RELN: variants seen among roughly 807,000 people sequenced by gnomAD.
RELN encodes the protein reelin.
In RELN, 108 loss-of-function variants were observed where a neutral mutation model predicts 427.6. The ratio of observed to expected loss-of-function variants is 0.25; its 90% CI spans 0.22 to 0.30. The LOEUF (loss-of-function observed/expected upper bound fraction) is 0.30. Among genes scored for constraint, RELN ranks in the 10% least tolerant of loss-of-function variants. The pLI is 1.00. For missense variants in RELN, 3,715 were observed against 4,302.8 expected (o/e 0.86, Z 3.82); for synonymous variants, 1,524 against 1,513.4 (o/e 1.01, Z -0.16).
Position 103,472,821 on chromosome 7 carries a change from T to A in RELN, c.10374A>T (p.Arg3458=). 2 of 1,613,160 alleles carry A rather than the reference T, an allele frequency of 1.2e-6. No individual in the cohort carries two copies. The highest frequency in any genetic ancestry group is 1.7e-6 in the Non-Finnish European group (2 of 1,179,108). Residue 3458 remains arginine (R), a synonymous_variant, in exon 65 of 65, where the codon CGA becomes CGT. Transcript: ENST00000428762. The part of the protein sequence containing the change: ...FYNRRRRSLR[R]YP ...TAAACTTTTTGATTCTTCATGGGTATCGCCTAAGTGACCTTCGTCTTCTGT... is the reference window on the plus strand; with the variant it reads ...TAAACTTTTTGATTCTTCATGGGTAACGCCTAAGTGACCTTCGTCTTCTGT...
At chr7:103,760,404 T>G (rs975838934) in intron 4 of RELN, among the ~76,000 whole-genome samples, 1 of 152,140 alleles carries the variant, frequency 6.6e-6, no homozygotes, top group African/African-American at 2.4e-5. Context: ...GTTATTTTCT[T>G]GACATATGTG....
intron 11 of RELN, among the ~76,000 whole-genome samples, chr7:103,665,356 GTGTGTGTATATATA>G (rs1412710042): frequency 7.7e-6 from 1 of 129,242 alleles, no homozygotes; most frequent in African/African-American, 3.1e-5. Flanking sequence ...GTGTGTGTGT[GTGTGTGTATATATA>G]TATATATATA....
chr7:103,785,608 C>T (rs1184092577), intron 3 of RELN, among the ~76,000 whole-genome samples: 1 of 152,048 alleles, frequency 6.6e-6, no homozygotes, highest in Non-Finnish European at 1.5e-5. Flanking sequence ...ATGGACTGAA[C>T]AATTTTAAGG....
chr7:103,775,512 A>G (rs1335022830), intron 4 of RELN, among the ~76,000 whole-genome samples: 1 of 152,148 alleles, frequency 6.6e-6, no homozygotes, highest in African/African-American at 2.4e-5. Flanking sequence ...ATTTTTCCTC[A>G]TTTCTCTTGA....
At chr7:103,674,605 G>C (rs1833472273) in intron 11 of RELN, among the ~76,000 whole-genome samples, 1 of 152,038 alleles carries the variant, frequency 6.6e-6, no homozygotes, top group African/African-American at 2.4e-5. Context: ...CTCGTTCCTG[G>C]GGGGCAGAAG....
chr7:103,608,425 A>T (rs1028828201), intron 22 of RELN, among the ~76,000 whole-genome samples: 1 of 151,650 alleles, frequency 6.6e-6, no homozygotes, highest in Non-Finnish European at 1.5e-5. Context: ...TTTTTTTTCC[A>T]GGGCTTTGAA....
intron 8 of RELN, among the ~76,000 whole-genome samples, chr7:103,711,499 G>C (rs545099410): frequency 7.2e-5 from 11 of 152,272 alleles, no homozygotes; most frequent in Admixed American, 1.3e-4. Context: ...TTAATGACAG[G>C]ACAAGAATAA....
chr7:103,678,758 T>C (rs1833593012), intron 11 of RELN, among the ~76,000 whole-genome samples: 1 of 152,214 alleles, frequency 6.6e-6, no homozygotes, highest in African/African-American at 2.4e-5. Flanking sequence ...TCCACATTAA[T>C]AATTTTTTAT....
chr7:103,817,836 T>A (rs1264015113), intron 3 of RELN, among the ~76,000 whole-genome samples: 1 of 150,102 alleles, frequency 6.7e-6, no homozygotes. Flanking sequence ...TCCCAGCTTT[T>A]TGGGAGGCTG....
chr7:103,875,818 C>T (rs1449855508), intron 2 of RELN, among the ~76,000 whole-genome samples: 1 of 151,946 alleles, frequency 6.6e-6, no homozygotes, highest in East Asian at 1.9e-4. Flanking sequence ...AATGAAATTT[C>T]CTTGGAGAAA....
chr7:103,561,587 C>G lies in RELN; in HGVS notation c.5474G>C (p.Arg1825Thr), dbSNP rs368478306. Residue 1825 changes from arginine (R) to threonine (T), a missense_variant, in exon 36 of 65, where the codon AGG becomes ACG. Transcript: ENST00000428762. ...DLWPEVYGAE[R>T]GNLNGETIKS... ...GATGGTTTCACCATTCAGATTCCCC[C>G]TCTCTGCACCATACACTTCAGGCCA... 6.2e-7 allele frequency: 1 copy of G among 1,613,910 alleles called. No individual in the cohort carries two copies. The highest frequency in any genetic ancestry group is 8.5e-7 in the Non-Finnish European group (1 of 1,179,848).
At chr7:103,557,206 G>A in intron 37 of RELN, 47 bp from the exon 38 acceptor site, 1 of 1,468,772 alleles carries the variant, frequency 6.8e-7, no homozygotes, top group Non-Finnish European at 9.5e-7. Flanking sequence ...GATAAAAATG[G>A]GGAAATGGTA....
chr7:103,780,261 T>C (rs262350), intron 3 of RELN, among the ~76,000 whole-genome samples: 66,463 of 152,084 alleles, frequency 0.44, 14,565 homozygotes, highest in Middle Eastern at 0.51. Flanking sequence ...CAACTTTTTA[T>C]TATTTAATAT....
Position 103,650,393 on chromosome 7 carries a change from A to G in RELN, c.1893-10T>C. On this transcript the variant is annotated splice_polypyrimidine_tract_variant and intron_variant, in intron 15 of 64. Coordinates refer to ENST00000428762, the MANE Select transcript of RELN (RefSeq NM_005045.4). ...TGTTATTCGGTTCCACCTGCAAGAA[A>G]TTTAGCACAAAACCATCTTCACAAC... 6.6e-7 allele frequency: 1 copy of G among 1,521,346 alleles called. No homozygotes were observed. The highest frequency in any genetic ancestry group is 9.1e-7 in the Non-Finnish European group (1 of 1,095,780). 94.2% of individuals were successfully genotyped at this position (1,521,346 alleles called of 1,614,324 possible). A position where few individuals can be genotyped will look rare whatever the true frequency, so the allele number is the denominator to read the frequency against.
intron 1 of RELN, among the ~76,000 whole-genome samples, chr7:103,942,938 G>C (rs1446767867): frequency 6.6e-6 from 1 of 151,994 alleles, no homozygotes; most frequent in Admixed American, 6.6e-5. Flanking sequence ...CTTAAAAGTG[G>C]TAAAGTTGGA....
At chr7:103,812,363 C>T (rs1463372262) in intron 3 of RELN, among the ~76,000 whole-genome samples, 1 of 152,086 alleles carries the variant, frequency 6.6e-6, no homozygotes, top group African/African-American at 2.4e-5. Flanking sequence ...GCTGTCCTGC[C>T]CCCTCAACTC....
In RELN at chr7:103,886,198, G is replaced by C. The variant is rs193076376; in HGVS notation, c.337+30877C>G. On this transcript the variant is annotated intron_variant, in intron 2 of 64. Transcript: ENST00000428762. ...AAAGCCAAAATGAAATAGGCAAAAG[G>C]AAAGGGAAAAAAACCTACATTGGGA... is the stretch of plus-strand genomic sequence containing the variant. Among the ~76,000 whole-genome samples the C allele has an allele frequency of 7.8e-4, 119 of 152,152 alleles. 1 individual carries two copies. Among genetic ancestry groups the C allele is most frequent in the Non-Finnish European group, 2.4e-4 (16 of 67,954 alleles).
intron 1 of RELN, among the ~76,000 whole-genome samples, chr7:103,974,002 G>A (rs924932670): frequency 6.6e-6 from 1 of 152,084 alleles, no homozygotes; most frequent in Non-Finnish European, 1.5e-5. Flanking sequence ...AATTAGCCAG[G>A]CATGGTGGTG....
intron 8 of RELN, among the ~76,000 whole-genome samples, chr7:103,716,019 A>G (rs756717249): frequency 1.2e-4 from 18 of 152,098 alleles, no homozygotes; most frequent in Non-Finnish European, 2.2e-4. Flanking sequence ...ACTCATGGCA[A>G]TCTGGAGACA....
Sources: allele counts gnomAD v4.1 joint callset (sites outside exome capture counted in the v4.1 genomes callset), GRCh38; gene constraint gnomAD v4.1.1; transcripts MANE v1.5; gene names NCBI Gene and HGNC (gene_info 2026-07-23, HGNC 2026-07-21).